The following ULK4 variants were observed in gnomAD, a reference collection of about 807,000 sequenced individuals.
The protein encoded by ULK4 is inactive serine/threonine-protein kinase ULK4.
ULK4 carries 133 observed loss-of-function variants against 160.6 expected under a neutral mutation model. That is an observed-to-expected ratio of 0.83 (90% CI 0.72 to 0.96). ULK4 has a LOEUF of 0.96. Ranked by LOEUF, ULK4 falls within the 40% of genes least tolerant of loss-of-function variation. The pLI, the probability that ULK4 is intolerant of heterozygous loss-of-function variation, is 0.00. For missense variants in ULK4, 1,580 were observed against 1,499.5 expected, an observed-to-expected ratio of 1.05 and a Z score of -0.89; for synonymous variants, 534 against 539.8, an observed-to-expected ratio of 0.99 and a Z score of 0.15.
intron 12 of ULK4, among the ~76,000 whole-genome samples, chr3:41,904,255 A>T (rs1449748573): frequency 6.6e-6 from 1 of 152,086 alleles, no homozygotes; most frequent in Non-Finnish European, 1.5e-5. Context: ...CAACATGGGG[A>T]AACCTCTACT....
At chr3:41,794,449 T>C (rs988078446) in intron 20 of ULK4, among the ~76,000 whole-genome samples, 5 of 151,874 alleles carry the variant, frequency 3.3e-5, no homozygotes, top group African/African-American at 1.2e-4. Flanking sequence ...GTGGATCACA[T>C]GGTCAGGAGT....
intron 32 of ULK4, among the ~76,000 whole-genome samples, chr3:41,528,425 T>C (rs1043729363): frequency 2.6e-5 from 4 of 152,210 alleles, no homozygotes; most frequent in African/African-American, 9.7e-5. Flanking sequence ...TGTAGCCTAC[T>C]TGTAAGATAA....
intron 30 of ULK4, among the ~76,000 whole-genome samples, chr3:41,636,034 T>C (rs1007630042): frequency 3.9e-5 from 6 of 152,190 alleles, no homozygotes; most frequent in African/African-American, 1.4e-4. Flanking sequence ...AAAATAAACC[T>C]AGTGGGGTTT....
chr3:41,774,713 C>T (rs1575686401), intron 21 of ULK4, among the ~76,000 whole-genome samples: 2 of 150,144 alleles, frequency 1.3e-5, no homozygotes, highest in Admixed American at 6.6e-5. Flanking sequence ...CCCAGCCATC[C>T]CATTACTGGG....
intron 35 of ULK4, among the ~76,000 whole-genome samples, chr3:41,293,869 G>A (rs2079619162): frequency 6.6e-6 from 1 of 152,228 alleles, no homozygotes; most frequent in African/African-American, 2.4e-5. Context: ...CATGGCAAAA[G>A]TGACATTTCA....
chr3:41,520,341 T>C (rs2085891447), intron 32 of ULK4, among the ~76,000 whole-genome samples: 1 of 152,140 alleles, frequency 6.6e-6, no homozygotes, highest in African/African-American at 2.4e-5. Context: ...CTTCTTTCAG[T>C]TAATGTAATG....
At chr3:41,916,144 G>A in intron 7 of ULK4, 92 bp from the exon 8 acceptor site, 2 of 794,614 alleles carry the variant, frequency 2.5e-6, no homozygotes, top group Non-Finnish European at 3.9e-6. Flanking sequence ...TAAAGCAATA[G>A]TATTTTAAAC....
intron 22 of ULK4, among the ~76,000 whole-genome samples, chr3:41,739,153 T>C (rs2125877501): frequency 6.6e-6 from 1 of 152,080 alleles, no homozygotes; most frequent in African/African-American, 2.4e-5. Context: ...ACGTTAAGTA[T>C]GCAAAGCAGT....
chr3:41,781,441 T>C (rs2039838610), intron 21 of ULK4, among the ~76,000 whole-genome samples: 1 of 150,754 alleles, frequency 6.6e-6, no homozygotes, highest in African/African-American at 2.4e-5. Flanking sequence ...AAAAGTGAAC[T>C]CTGACTGGAT....
At chr3:41,354,992 T>A (rs1425036354) in intron 35 of ULK4, among the ~76,000 whole-genome samples, 2 of 152,186 alleles carry the variant, frequency 1.3e-5, no homozygotes, top group Non-Finnish European at 2.9e-5. Flanking sequence ...TTCCTGTTCA[T>A]CAATTCTAAA....
chr3:41,408,640 C>G (rs1255709581), intron 34 of ULK4, among the ~76,000 whole-genome samples: 1 of 151,904 alleles, frequency 6.6e-6, no homozygotes, highest in African/African-American at 2.4e-5. Flanking sequence ...ATGCCAGGAA[C>G]CAAGAATAGC....
chr3:41,298,069 C>T (rs2079707243), intron 35 of ULK4, among the ~76,000 whole-genome samples: 1 of 152,148 alleles, frequency 6.6e-6, no homozygotes, highest in Non-Finnish European at 1.5e-5. Flanking sequence ...TCATCTGATT[C>T]TGCTAAGAAA....
At chr3:41,725,742 C>T (rs6801343) in intron 22 of ULK4, among the ~76,000 whole-genome samples, 47,595 of 152,016 alleles carry the variant, frequency 0.31, 10,852 homozygotes, top group African/African-American at 0.65. Flanking sequence ...ATAGGCCTGA[C>T]TACTTTCTAT....
chr3:41,955,227 C>A (rs1330454466), intron 1 of ULK4, among the ~76,000 whole-genome samples: 2 of 152,150 alleles, frequency 1.3e-5, no homozygotes, highest in African/African-American at 4.8e-5. Context: ...GAGGCGGAGG[C>A]TGCAGTGAGC....
chr3:41,450,788 T>C (rs1297008137), intron 34 of ULK4, among the ~76,000 whole-genome samples: 1 of 152,238 alleles, frequency 6.6e-6, no homozygotes, highest in Non-Finnish European at 1.5e-5. Context: ...TATACACAGC[T>C]ATAAATGTGT....
intron 35 of ULK4, among the ~76,000 whole-genome samples, chr3:41,299,086 T>G (rs1467997973): frequency 6.6e-6 from 1 of 152,204 alleles, no homozygotes; most frequent in African/African-American, 2.4e-5. Flanking sequence ...TTGTGACTTG[T>G]GTTGGCCAAC....
chr3:41,457,139 G>A (rs1158317221), intron 33 of ULK4, among the ~76,000 whole-genome samples: 1 of 152,142 alleles, frequency 6.6e-6, no homozygotes, highest in East Asian at 1.9e-4. Flanking sequence ...TGGAATATTA[G>A]CCTTTCCACA....
At chr3:41,808,722 C>A (rs1448880199) in intron 19 of ULK4, among the ~76,000 whole-genome samples, 2 of 152,160 alleles carry the variant, frequency 1.3e-5, no homozygotes, top group Non-Finnish European at 2.9e-5. Flanking sequence ...AAGTTTTCTG[C>A]CAATATAATT....
At chr3:41,643,452 C>A (rs913600719) in intron 30 of ULK4, among the ~76,000 whole-genome samples, 2 of 152,174 alleles carry the variant, frequency 1.3e-5, no homozygotes, top group East Asian at 3.8e-4. Context: ...ATAGGAAATC[C>A]TTTCCCCATT....
Sources: allele counts gnomAD v4.1 joint callset (sites outside exome capture counted in the v4.1 genomes callset), GRCh38; gene constraint gnomAD v4.1.1; transcripts MANE v1.5; gene names NCBI Gene and HGNC (gene_info 2026-07-23, HGNC 2026-07-21).